ARHGAP26: variants seen among roughly 807,000 people sequenced by gnomAD.
ARHGAP26 encodes the protein Rho GTPase activating protein 26.
Under a neutral mutation model 104.8 loss-of-function variants are expected in ARHGAP26, and 38 were observed. The observed-to-expected ratio is 0.36, with a 90% CI of 0.28 to 0.48. ARHGAP26 has a LOEUF of 0.48. Among genes scored for constraint, ARHGAP26 ranks in the 20% least tolerant of loss-of-function variants. ARHGAP26 has a pLI of 0.99. For missense variants in ARHGAP26, 704 were observed against 947.9 expected (o/e 0.74, Z 3.38); for synonymous variants, 341 against 340.0 (o/e 1.00, Z -0.03).
chr5:142,809,313 G>A (rs931582475), intron 1 of ARHGAP26, among the ~76,000 whole-genome samples: 2 of 152,176 alleles, frequency 1.3e-5, no homozygotes, highest in African/African-American at 4.8e-5. Flanking sequence ...AAAAATATAG[G>A]TCTACTGTAA....
chr5:143,191,795 C>T (rs1805957109), intron 20 of ARHGAP26, among the ~76,000 whole-genome samples: 1 of 152,164 alleles, frequency 6.6e-6, no homozygotes, highest in Non-Finnish European at 1.5e-5. Flanking sequence ...GCCCAATGTG[C>T]CTGTCTCCCT....
At chr5:143,161,277 G>A (rs1391068866) in intron 20 of ARHGAP26, among the ~76,000 whole-genome samples, 1 of 152,030 alleles carries the variant, frequency 6.6e-6, no homozygotes, top group African/African-American at 2.4e-5. Context: ...CTCCCAAAGT[G>A]CAGGGATTAC....
intron 12 of ARHGAP26, 28 bp downstream of exon 12, chr5:143,014,144 A>G (rs777511080): frequency 1.9e-6 from 3 of 1,613,446 alleles, no homozygotes; most frequent in African/African-American, 1.3e-5. Flanking sequence ...GTAACCTTCT[A>G]CAGCCAGGGT....
intron 17 of ARHGAP26, among the ~76,000 whole-genome samples, chr5:143,071,718 G>A (rs1432208623): frequency 6.6e-6 from 1 of 151,990 alleles, no homozygotes; most frequent in African/African-American, 2.4e-5. Context: ...GACCAGTCTG[G>A]CCAACATGGT....
chr5:143,122,081 G>C (rs2150799863), intron 18 of ARHGAP26, among the ~76,000 whole-genome samples: 1 of 152,026 alleles, frequency 6.6e-6, no homozygotes, highest in East Asian at 1.9e-4. Context: ...TTTCTTTCTT[G>C]TACCCTTGGC....
At chr5:142,867,288 G>GGTGTGTGTGTGT (rs70991782) in intron 1 of ARHGAP26, among the ~76,000 whole-genome samples, 111 of 143,690 alleles carry the variant, frequency 7.7e-4, no homozygotes, top group African/African-American at 2.4e-3. Flanking sequence ...ATTTGCACAG[G>GGTGTGTGTGTGT]GTGTGTGTGT....
intron 11 of ARHGAP26, among the ~76,000 whole-genome samples, chr5:142,944,812 A>C (rs1229585742): frequency 6.6e-6 from 1 of 152,172 alleles, no homozygotes; most frequent in Non-Finnish European, 1.5e-5. Flanking sequence ...TGTTTTACTC[A>C]GTTCTGCTTC....
At chr5:142,785,251 G>A (rs780673255) in intron 1 of ARHGAP26, among the ~76,000 whole-genome samples, 1 of 152,168 alleles carries the variant, frequency 6.6e-6, no homozygotes, top group Non-Finnish European at 1.5e-5. Flanking sequence ...TCTCCTATCT[G>A]CTTCGTCTCT....
chr5:143,142,134 CTTTTT>C (rs762332039), intron 19 of ARHGAP26, among the ~76,000 whole-genome samples: 23 of 105,348 alleles, frequency 2.2e-4, no homozygotes, highest in African/African-American at 9.3e-4. Context: ...CTACTTTTCA[CTTTTT>C]TTTTTTTTTT....
chr5:143,203,833 A>G (rs1026530110), intron 20 of ARHGAP26: 3 of 152,116 alleles, frequency 2.0e-5, no homozygotes, highest in African/African-American at 7.2e-5. Context: ...CAGAAAACCA[A>G]ACACCGCATG....
chr5:143,020,857 G>T (rs10783184), intron 12 of ARHGAP26, among the ~76,000 whole-genome samples: 85,921 of 151,858 alleles, frequency 0.57, 28,077 homozygotes, highest in Non-Finnish European at 0.74. Context: ...AGCCAGGATG[G>T]TCTCGATCTG....
At chr5:143,081,977 T>C (rs1789887358) in intron 17 of ARHGAP26, among the ~76,000 whole-genome samples, 1 of 126,622 alleles carries the variant, frequency 7.9e-6, no homozygotes, top group Non-Finnish European at 1.5e-5. Context: ...GCCACTGCGC[T>C]CCAGCCTGGG....
At chr5:142,790,655 T>C (rs1759617264) in intron 1 of ARHGAP26, among the ~76,000 whole-genome samples, 1 of 152,194 alleles carries the variant, frequency 6.6e-6, no homozygotes, top group South Asian at 2.1e-4. Flanking sequence ...TCTCTGACCT[T>C]CCTCTTTCTA....
chr5:143,065,424 G>C (rs373147161), intron 17 of ARHGAP26, among the ~76,000 whole-genome samples: 2 of 152,178 alleles, frequency 1.3e-5, no homozygotes, highest in South Asian at 4.1e-4. Flanking sequence ...TGGCTGAAAC[G>C]TGGCAGCTGG....
intron 12 of ARHGAP26, among the ~76,000 whole-genome samples, chr5:143,020,593 T>G (rs1780178497): frequency 6.6e-6 from 1 of 151,142 alleles, no homozygotes; most frequent in Non-Finnish European, 1.5e-5. Flanking sequence ...CCTAGTCCTT[T>G]CTTTCCTTGT....
chr5:143,121,886 T>A (rs1328201180), intron 18 of ARHGAP26, among the ~76,000 whole-genome samples: 3 of 152,206 alleles, frequency 2.0e-5, no homozygotes, highest in Non-Finnish European at 2.9e-5. Context: ...AAAGCACCAT[T>A]TGGCAGCAAC....
intron 1 of ARHGAP26, among the ~76,000 whole-genome samples, chr5:142,843,478 G>A (rs188689071): frequency 6.6e-6 from 1 of 152,344 alleles, no homozygotes; most frequent in East Asian, 1.9e-4. Context: ...TTCATTGAGT[G>A]CTTACTCCGT....
intron 11 of ARHGAP26, among the ~76,000 whole-genome samples, chr5:142,963,529 T>G (rs1770764186): frequency 6.6e-6 from 1 of 152,122 alleles, no homozygotes; most frequent in Non-Finnish European, 1.5e-5. Flanking sequence ...TTTTTTTACT[T>G]TTTAATATAG....
intron 20 of ARHGAP26, among the ~76,000 whole-genome samples, chr5:143,191,304 G>C (rs1056882176): frequency 2.6e-5 from 4 of 152,304 alleles, no homozygotes; most frequent in African/African-American, 9.6e-5. Flanking sequence ...CCAAAATTAA[G>C]AGAGAAACAT....
Sources: gnomAD v4.1 joint callset for allele counts (sites outside exome capture counted in the v4.1 genomes callset) on GRCh38, gnomAD v4.1.1 for gene constraint, MANE v1.5 for transcripts, NCBI Gene and HGNC (gene_info 2026-07-23, HGNC 2026-07-21) for gene names.